Variants in ROBO2 observed in about 807,000 individuals in gnomAD.
ROBO2 encodes roundabout homolog 2.
A neutral mutation model predicts 160.8 loss-of-function variants in ROBO2; 53 were observed. The observed-to-expected ratio is 0.33, with a 90% CI of 0.26 to 0.41. ROBO2 has a LOEUF of 0.41. Among genes scored for constraint, ROBO2 ranks in the 10% least tolerant of loss-of-function variants. The pLI is 1.00. For synonymous variants in ROBO2, 664 were observed against 611.7 expected, an observed-to-expected ratio of 1.09 and a Z score of -1.26; for missense variants, 1,577 against 1,722.4, an observed-to-expected ratio of 0.92 and a Z score of 1.49.
chr3:77,075,769 C>T (rs1192525161), intron 1 of ROBO2, among the ~76,000 whole-genome samples: 3 of 148,534 alleles, frequency 2.0e-5, no homozygotes, highest in African/African-American at 5.0e-5. Flanking sequence ...ACCTCTGCCT[C>T]CCAGGCTCAA....
intron 2 of ROBO2, among the ~76,000 whole-genome samples, chr3:77,127,633 G>A (rs2075461769): frequency 6.6e-6 from 1 of 152,132 alleles, no homozygotes; most frequent in African/African-American, 2.4e-5. Context: ...TTATCCGCTA[G>A]TAAACTTAAA....
intron 2 of ROBO2, among the ~76,000 whole-genome samples, chr3:76,391,081 A>C (rs2077127021): frequency 6.6e-6 from 1 of 151,992 alleles, no homozygotes; most frequent in East Asian, 1.9e-4. Flanking sequence ...GCATTCAATT[A>C]ATATGTTATA....
chr3:76,703,754 A>G (rs1282120137), intron 2 of ROBO2, among the ~76,000 whole-genome samples: 4 of 152,038 alleles, frequency 2.6e-5, no homozygotes, highest in Non-Finnish European at 5.9e-5. Context: ...TTCTTTGTCT[A>G]GTCTATCATT....
rs868180675 is a variant in ROBO2 at position 77,602,493 on chromosome 3, T to C, written c.3136+2T>C. ...CTGATCAGAACAAAGGTAACAATGG[T>C]GAGTCAGGTTCTTGTGTCCTGAGGA... On this transcript the variant is annotated splice_donor_variant, in intron 20 of 25. Coordinates refer to ENST00000461745, the Ensembl canonical transcript of ROBO2. LOFTEE classifies it high-confidence loss of function. The C allele has an allele frequency of 2.5e-6, 4 of 1,614,060 alleles. No homozygotes were observed. In the East Asian group the frequency reaches 6.7e-5, roughly 27 times the overall value.
chr3:77,507,491 A>G (rs2088728951), intron 5 of ROBO2, among the ~76,000 whole-genome samples: 2 of 152,144 alleles, frequency 1.3e-5, no homozygotes, highest in Admixed American at 1.3e-4. Flanking sequence ...AGACTGCAAG[A>G]ATGGGCTCTG....
At chr3:76,055,247 A>G (rs753590381) in intron 2 of ROBO2, among the ~76,000 whole-genome samples, 1 of 152,070 alleles carries the variant, frequency 6.6e-6, no homozygotes, top group East Asian at 1.9e-4. Context: ...ACCTGTGGGG[A>G]TTATGGGAGC....
chr3:76,046,760 A>G (rs1000485860), intron 2 of ROBO2, among the ~76,000 whole-genome samples: 2 of 152,046 alleles, frequency 1.3e-5, no homozygotes, highest in African/African-American at 2.4e-5. Context: ...GAGGGGCCAT[A>G]GGAAATATTT....
chr3:76,569,654 G>A (rs191263254), intron 2 of ROBO2, among the ~76,000 whole-genome samples: 7 of 152,284 alleles, frequency 4.6e-5, no homozygotes, highest in African/African-American at 7.2e-5. Flanking sequence ...TGGGCCTTGT[G>A]ATGTATGAGT....
chr3:77,602,046 C>A lies in ROBO2; in HGVS notation c.2855-164C>A, dbSNP rs567197063. Among the ~76,000 whole-genome samples, 4 of 152,332 alleles carry A rather than the reference C, an allele frequency of 2.6e-5. No homozygotes were observed. In the East Asian group the frequency reaches 7.7e-4, roughly 29 times the overall value. On this transcript the variant is annotated intron_variant, in intron 19 of 25. Transcript: ENST00000461745. ...GCCTGCCTGTCACTGAGGCTGATAGCTTGGCGATGGTTGTATATCATCTAC... is the reference window on the plus strand; with the variant it reads ...GCCTGCCTGTCACTGAGGCTGATAGATTGGCGATGGTTGTATATCATCTAC...
At chr3:76,909,456 A>C (rs1326043016) in intron 2 of ROBO2, among the ~76,000 whole-genome samples, 1 of 152,192 alleles carries the variant, frequency 6.6e-6, no homozygotes, top group Non-Finnish European at 1.5e-5. Flanking sequence ...TAATGAGTAC[A>C]GTGTTCACTG....
intron 2 of ROBO2, among the ~76,000 whole-genome samples, chr3:77,280,253 C>G (rs1351229535): frequency 6.6e-6 from 1 of 152,170 alleles, no homozygotes; most frequent in African/African-American, 2.4e-5. Flanking sequence ...CCTTACTCAC[C>G]TTACTTAGGC....
intron 1 of ROBO2, among the ~76,000 whole-genome samples, chr3:75,927,231 T>C (rs1478023719): frequency 5.9e-5 from 9 of 152,216 alleles, no homozygotes; most frequent in Admixed American, 3.3e-4. Context: ...TAAATCTATT[T>C]AGTTCAGTTA....
At chr3:77,040,205 G>A in exon 1 of ROBO2, 6 of 986,472 alleles carry the variant, frequency 6.1e-6, no homozygotes, top group Non-Finnish European at 6.0e-6. Context: ...GGAGAGGCCC[G>A]CCAAGTCTGC....
intron 16 of ROBO2, among the ~76,000 whole-genome samples, chr3:77,582,262 C>T (rs548712734): frequency 3.9e-5 from 6 of 152,144 alleles, no homozygotes; most frequent in Non-Finnish European, 5.9e-5. Context: ...CCACCACACC[C>T]GGCTAACTTT....
chr3:76,472,063 ATGTGTGTGTGTGTGTGTG>A (rs57259386), intron 2 of ROBO2, among the ~76,000 whole-genome samples: 2 of 137,828 alleles, frequency 1.5e-5, no homozygotes, highest in Middle Eastern at 3.6e-3. Flanking sequence ...GTCTGATAAA[ATGTGTGTGTGTGTGTGTG>A]TGTGTGTGTG....
intron 2 of ROBO2, among the ~76,000 whole-genome samples, chr3:77,471,265 T>C (rs2083321018): frequency 6.6e-6 from 1 of 152,168 alleles, no homozygotes; most frequent in Admixed American, 6.6e-5. Flanking sequence ...CTAAGAACTA[T>C]TGATTTAAGA....
chr3:77,643,856 A>T (rs1268838486), intron 24 of ROBO2, among the ~76,000 whole-genome samples: 2 of 152,186 alleles, frequency 1.3e-5, no homozygotes, highest in Non-Finnish European at 2.9e-5. Context: ...TTAGTGAAAC[A>T]TTTAGAAAGG....
chr3:77,123,781 G>A (rs9759065), intron 2 of ROBO2, among the ~76,000 whole-genome samples: 2 of 137,506 alleles, frequency 1.5e-5, no homozygotes, highest in Admixed American at 1.4e-4. Flanking sequence ...AGATGCATAT[G>A]TATCTAGATA....
intron 2 of ROBO2, among the ~76,000 whole-genome samples, chr3:77,372,502 C>A (rs1284943817): frequency 6.6e-6 from 1 of 152,068 alleles, no homozygotes; most frequent in African/African-American, 2.4e-5. Context: ...ATCTCTCAGA[C>A]AACAGATAAT....
Sources: gnomAD v4.1 joint callset for allele counts (sites outside exome capture counted in the v4.1 genomes callset) on GRCh38, gnomAD v4.1.1 for gene constraint, MANE v1.5 for transcripts, NCBI Gene and HGNC (gene_info 2026-07-23, HGNC 2026-07-21) for gene names.